The following IFT74 variants were observed in gnomAD, a reference collection of about 807,000 sequenced individuals.
IFT74 encodes intraflagellar transport protein 74 homolog.
IFT74 carries 92 observed loss-of-function variants against 96.7 expected under a neutral mutation model. The ratio of observed to expected loss-of-function variants is 0.95; its 90% CI spans 0.80 to 1.13. IFT74 has a LOEUF of 1.13. Among genes scored for constraint, IFT74 ranks in the 50% most tolerant of loss-of-function variants. IFT74 has a pLI of 0.00. For missense variants in IFT74, 811 were observed against 698.2 expected (o/e 1.16, Z -1.82); for synonymous variants, 223 against 213.2 (o/e 1.05, Z -0.40).
At chr9:27,022,982 G>A (rs1487536063) in intron 12 of IFT74, among the ~76,000 whole-genome samples, 4 of 152,036 alleles carry the variant, frequency 2.6e-5, no homozygotes, top group Admixed American at 2.0e-4. Flanking sequence ...GGTATATAGC[G>A]GTGCTACTGA....
intron 13 of IFT74, 96 bp downstream of exon 13, chr9:27,029,200 G>A (rs1441299771): frequency 1.2e-6 from 1 of 815,366 alleles, no homozygotes; most frequent in Non-Finnish European, 1.9e-6. Context: ...AACTACCTGG[G>A]ATTTATTATT....
intron 18 of IFT74, among the ~76,000 whole-genome samples, chr9:27,059,534 T>C (rs1246715663): frequency 6.6e-6 from 1 of 152,218 alleles, no homozygotes; most frequent in Non-Finnish European, 1.5e-5. Context: ...AAAAGTCTGG[T>C]ACTTGACTTT....
At position 26,976,296 on chromosome 9, in the gene IFT74, G is replaced by A. The variant is rs116569620; in HGVS notation, c.121-1832G>A. ...ATTGTTAGAAAGAAAGCTTGAAGTC[G>A]TAAAGAAAGACGAGTACTCAAACAA... On this transcript the variant is annotated intron_variant, in intron 2 of 19. Transcript: ENST00000380062. 5.3e-3 allele frequency among the ~76,000 whole-genome samples: 800 copies of A among 152,290 alleles called. 5 individuals carry two copies. Among genetic ancestry groups the A allele is most frequent in the Middle Eastern group, 0.048 (14 of 294 alleles).
rs148144634 is a variant in IFT74 at position 26,959,400 on chromosome 9, C to T, written c.-19-2549C>T. On this transcript the variant is annotated intron_variant, in intron 1 of 19. Coordinates refer to ENST00000380062, the MANE Select transcript of IFT74 (RefSeq NM_025103.4). ...CTGGGATTGCAGGCATGAGCCACCG[C>T]GCCCGGCTGGATATAAGCTATTCTT... Among the ~76,000 whole-genome samples the T allele has an allele frequency of 4.4e-3, 668 of 152,238 alleles. 6 individuals are homozygous for T. The highest frequency in any genetic ancestry group is 0.015 in the African/African-American group (616 of 41,520).
At chr9:27,054,366 A>G (rs1255171292) in intron 16 of IFT74, among the ~76,000 whole-genome samples, 1 of 152,150 alleles carries the variant, frequency 6.6e-6, no homozygotes, top group South Asian at 2.1e-4. Context: ...AGCTCTCTTC[A>G]TCCCTGCTAC....
intron 8 of IFT74, among the ~76,000 whole-genome samples, chr9:27,000,375 A>G (rs1587324419): frequency 6.6e-6 from 1 of 152,292 alleles, no homozygotes; most frequent in East Asian, 1.9e-4. Context: ...ATATGCTTAT[A>G]TTGATGGTCT....
intron 2 of IFT74, among the ~76,000 whole-genome samples, chr9:26,962,542 T>A (rs1046135396): frequency 2.6e-5 from 4 of 152,364 alleles, no homozygotes; most frequent in Admixed American, 6.5e-5. Context: ...TTAATGTGTG[T>A]TTCAAATTAG....
intron 12 of IFT74, among the ~76,000 whole-genome samples, chr9:27,020,754 G>T (rs1026712169): frequency 1.3e-5 from 2 of 152,086 alleles, no homozygotes; most frequent in Non-Finnish European, 2.9e-5. Context: ...GTTTACAGGC[G>T]TGACCTACCG....
intron 2 of IFT74, among the ~76,000 whole-genome samples, chr9:26,967,320 G>A (rs1458721957): frequency 6.6e-6 from 1 of 151,376 alleles, no homozygotes; most frequent in Non-Finnish European, 1.5e-5. Context: ...TCACTTCTTG[G>A]GTTAATTCCT....
At chr9:26,987,222 C>T (rs1827678923) in intron 6 of IFT74, among the ~76,000 whole-genome samples, 2 of 151,546 alleles carry the variant, frequency 1.3e-5, no homozygotes, top group East Asian at 2.0e-4. Flanking sequence ...ATTACAGGTG[C>T]GGTCCTGAGT....
rs1219330850 is a variant in IFT74 at position 27,011,956 on chromosome 9, G to A, written c.777G>A (p.Glu259=). The change falls in exon 10 of 20, where the codon GAG becomes GAA. Residue 259 remains glutamate, a synonymous_variant. Coordinates refer to ENST00000380062, the MANE Select transcript of IFT74 (RefSeq NM_025103.4). The part of the protein sequence containing the change: ...QQLDSQNMKK[E]SLEAEIAHSQ... Reference sequence around the variant, plus strand: ...TGGATTCACAGAACATGAAAAAAGAGAGCCTGGAAGCAGTAAGTATAAAAT... The same window carrying A: ...TGGATTCACAGAACATGAAAAAAGAAAGCCTGGAAGCAGTAAGTATAAAAT... 2 of 1,583,270 alleles carry A rather than the reference G, an allele frequency of 1.3e-6. No homozygotes were observed. Among genetic ancestry groups the A allele is most frequent in the Admixed American group, 1.8e-5 (1 of 55,656 alleles).
At chr9:27,017,087 G>T in intron 11 of IFT74, 37 bp downstream of exon 11, 1 of 1,567,448 alleles carries the variant, frequency 6.4e-7, no homozygotes, top group South Asian at 1.2e-5. Context: ...AAGATGTCTG[G>T]TTTTGGTACA....
chr9:26,952,401 C>T (rs568281462), upstream of IFT74, among the ~76,000 whole-genome samples: 245 of 151,868 alleles, frequency 1.6e-3, no homozygotes, highest in African/African-American at 5.5e-3. Flanking sequence ...TTCAGCCTCC[C>T]GAGTAGCTGG....
chr9:26,963,505 C>T (rs1036293866), intron 2 of IFT74, among the ~76,000 whole-genome samples: 1 of 150,516 alleles, frequency 6.6e-6, no homozygotes, highest in African/African-American at 2.5e-5. Context: ...AATGGTATTT[C>T]CAGTTCTAGA....
At chr9:26,950,075 G>A (rs1195584687) in intron 1 of IFT74, among the ~76,000 whole-genome samples, 2 of 152,194 alleles carry the variant, frequency 1.3e-5, no homozygotes, top group Admixed American at 6.5e-5. Context: ...CACTTTGGGA[G>A]GCCAAGGCAG....
At chr9:27,047,675 T>C (rs544342726) in intron 15 of IFT74, among the ~76,000 whole-genome samples, 2 of 152,338 alleles carry the variant, frequency 1.3e-5, no homozygotes, top group Non-Finnish European at 2.9e-5. Context: ...TCTGAACTTT[T>C]GAAAGTAACA....
intron 13 of IFT74, among the ~76,000 whole-genome samples, chr9:27,037,443 A>T (rs955362143): frequency 6.6e-6 from 1 of 152,198 alleles, no homozygotes; most frequent in East Asian, 1.9e-4. Flanking sequence ...AGCCACACGA[A>T]CTTAAAGATC....
intron 8 of IFT74, among the ~76,000 whole-genome samples, chr9:26,990,842 A>G (rs1264881519): frequency 2.6e-5 from 4 of 152,210 alleles, no homozygotes; most frequent in African/African-American, 9.6e-5. Flanking sequence ...ATACTCAGAT[A>G]AAATCCTGAA....
At chr9:27,022,642 A>G (rs1474615024) in intron 12 of IFT74, among the ~76,000 whole-genome samples, 1 of 137,676 alleles carries the variant, frequency 7.3e-6, no homozygotes, top group Non-Finnish European at 1.5e-5. Flanking sequence ...TGAGTTCTTG[A>G]TTTCTTTTTT....
Sources: gnomAD v4.1 joint callset for allele counts (sites outside exome capture counted in the v4.1 genomes callset) on GRCh38, gnomAD v4.1.1 for gene constraint, MANE v1.5 for transcripts, NCBI Gene and HGNC (gene_info 2026-07-23, HGNC 2026-07-21) for gene names.